The following POP4 variants were observed in gnomAD, a reference collection of about 807,000 sequenced individuals.
The protein encoded by POP4 is POP4 ribonuclease P/MRP subunit, also known as ribonuclease P protein subunit p29.
In POP4, 31 loss-of-function variants were observed where a neutral mutation model predicts 29.9. The observed-to-expected ratio is 1.04, with a 90% confidence interval of 0.78 to 1.40. POP4 has a LOEUF of 1.40. POP4 is among the 40% of genes most tolerant of loss of function. The pLI is 0.00. For missense variants in POP4, 286 were observed against 282.7 expected (o/e 1.01, Z -0.08); for synonymous variants, 110 against 108.2 (o/e 1.02, Z -0.10).
chr19:29,608,262 C>CTTTTTTTTTTTTTTT, intron 1 of POP4, among the ~76,000 whole-genome samples: 178 of 86,572 alleles, frequency 2.1e-3, no homozygotes, highest in Non-Finnish European at 2.9e-3. Context: ...CTTTTCTTTT[C>CTTTTTTTTTTTTTTT]TTTTTTTTTT....
Position 29,615,240 on chromosome 19 carries a change from T to TTC in POP4, c.527-4_527-3insTC. On this transcript the variant is annotated splice_polypyrimidine_tract_variant and splice_region_variant and intron_variant, in intron 6 of 6. Transcript: ENST00000585603. ...TCTCCTGCCTTTTTTTTTTTTTTTT[T>TTC]CAGTTATCCCCAAGCTAAACTGCGT... The TTC allele has an allele frequency of 6.8e-7, 1 of 1,465,856 alleles. No individual in the cohort carries two copies. The highest frequency in any genetic ancestry group is 9.1e-7 in the Non-Finnish European group (1 of 1,103,900). The allele number at this position is 1,465,856 out of a possible 1,614,324, so 90.8% of individuals were successfully genotyped here. A position where few individuals can be genotyped will look rare whatever the true frequency, so the allele number is the denominator to read the frequency against.
intron 1 of POP4, among the ~76,000 whole-genome samples, chr19:29,608,071 G>A (rs1275198214): frequency 1.3e-5 from 2 of 152,040 alleles, no homozygotes; most frequent in African/African-American, 2.4e-5. Context: ...TTTTACACAC[G>A]TTAAATTTTG....
At position 29,615,604 on chromosome 19, in the gene POP4, G is replaced by C. The variant is rs780053868; in HGVS notation, c.*224G>C. 203 of 454,742 alleles carry C rather than the reference G, an allele frequency of 4.5e-4. 1 individual carries two copies. Among genetic ancestry groups the C allele is most frequent in the Non-Finnish European group, 6.7e-4 (175 of 259,726 alleles). The allele number at this position is 454,742 out of a possible 1,614,324, so 28.2% of individuals were successfully genotyped here. ...TCTCTTTCTAGGAGATTTTCATTTTGTGTGACTCCCATGGGGAGGAACAGA... is the reference window on the plus strand; with the variant it reads ...TCTCTTTCTAGGAGATTTTCATTTTCTGTGACTCCCATGGGGAGGAACAGA... On this transcript the variant is annotated 3_prime_UTR_variant, in exon 7 of 7. Coordinates refer to ENST00000585603, the MANE Select transcript of POP4 (RefSeq NM_006627.3).
chr19:29,610,389 AC>A lies in POP4; in HGVS notation c.61-15del, dbSNP rs138780952. 10,986 of 1,538,630 alleles carry A rather than the reference AC, an allele frequency of 7.1e-3. 729 individuals are homozygous for A. In the East Asian group the frequency reaches 0.15, roughly 21 times the overall value. On this transcript the variant is annotated intron_variant, in intron 2 of 6. Transcript: ENST00000585603. ...CCCAGACCGGAGCAGTGAGCGCCGCACCCCCTTGTCCGCCTGCAGCCTTCAG... is the reference window on the plus strand; with the variant it reads ...CCCAGACCGGAGCAGTGAGCGCCGCACCCCTTGTCCGCCTGCAGCCTTCAG...
Position 29,615,110 on chromosome 19 carries a change from G to C in POP4, c.527-134G>C, listed in dbSNP as rs963289539. 27 of 1,103,702 alleles carry C rather than the reference G, an allele frequency of 2.4e-5. 1 individual carries two copies. The Admixed American group carries it at 6.1e-4, about 25-fold the overall frequency. The allele number at this position is 1,103,702 out of a possible 1,614,324, so 68.4% of individuals were successfully genotyped here. A position where few individuals can be genotyped will look rare whatever the true frequency, so the allele number is the denominator to read the frequency against. ...AGGCAACCCTAATGCCCCTCCCCTT[G>C]TGGGTTTCCCGTTTCCTATTAGCTT... is the stretch of plus-strand genomic sequence containing the variant. On this transcript the variant is annotated intron_variant, in intron 6 of 6. Transcript: ENST00000585603.
chr19:29,611,535 G>A (rs1464105894), intron 3 of POP4: 2 of 260,576 alleles, frequency 7.7e-6, no homozygotes, highest in East Asian at 2.3e-4. Context: ...TTTACTGGGG[G>A]CTTACTAGGT....
intron 1 of POP4, among the ~76,000 whole-genome samples, chr19:29,606,880 G>T (rs1197233683): frequency 6.6e-6 from 1 of 152,110 alleles, no homozygotes; most frequent in Non-Finnish European, 1.5e-5. Flanking sequence ...GCTTCAGTTT[G>T]CTCATGCACA....
At chr19:29,609,697 T>C (rs1266381174) in intron 2 of POP4, among the ~76,000 whole-genome samples, 1 of 152,194 alleles carries the variant, frequency 6.6e-6, no homozygotes, top group Non-Finnish European at 1.5e-5. Context: ...TTCCCAGAAG[T>C]CCTCTCTAAG....
At chr19:29,607,255 AG>A (rs1971009116) in intron 1 of POP4, among the ~76,000 whole-genome samples, 1 of 148,148 alleles carries the variant, frequency 6.8e-6, no homozygotes, top group South Asian at 2.2e-4. Flanking sequence ...GCAACAACAT[AG>A]CGAGACCCTG....
intron 2 of POP4, among the ~76,000 whole-genome samples, chr19:29,609,565 A>C (rs893190987): frequency 4.6e-5 from 7 of 152,248 alleles, no homozygotes; most frequent in Non-Finnish European, 8.8e-5. Flanking sequence ...TGGCATTGCC[A>C]CCAAATGAGG....
intron 5 of POP4, 138 bp from the exon 6 acceptor site, chr19:29,613,733 C>T (rs895151420): frequency 2.2e-6 from 3 of 1,353,560 alleles, no homozygotes; most frequent in Non-Finnish European, 2.9e-6. Context: ...TGTTGAGCCC[C>T]CACCCCCTGG....
chr19:29,608,533 G>A (rs1971030256), intron 1 of POP4, 124 bp from the exon 2 acceptor site: 6 of 947,962 alleles, frequency 6.3e-6, no homozygotes, highest in Non-Finnish European at 9.8e-6. Context: ...GCCTCCCAAA[G>A]TGCTAGGACT....
intron 1 of POP4, 153 bp downstream of exon 1, chr19:29,606,478 G>C (rs1163058481): frequency 2.3e-6 from 2 of 877,244 alleles, no homozygotes; most frequent in African/African-American, 3.5e-5. Context: ...AAAACTGAGG[G>C]CTGGAGCACG....
intron 3 of POP4, 199 bp downstream of exon 3, chr19:29,610,831 CCTCT>C (rs151093809): frequency 1.3e-5 from 8 of 593,490 alleles, no homozygotes; most frequent in Non-Finnish European, 2.4e-5. Flanking sequence ...CATTGTCTGG[CCTCT>C]CTCCTCACCT....
chr19:29,615,222 CCT>C lies in POP4; in HGVS notation c.527-21_527-20del. 1.4e-6 allele frequency: 2 copies of C among 1,440,210 alleles called. No homozygotes were observed. Among genetic ancestry groups the C allele is most frequent in the East Asian group, 2.4e-5 (1 of 41,808 alleles). 89.2% of individuals were successfully genotyped at this position (1,440,210 alleles called of 1,614,324 possible). A position where few individuals can be genotyped will look rare whatever the true frequency, so the allele number is the denominator to read the frequency against. ...TTTTTCCTCATCTTTTTTTCTCCTGCCTTTTTTTTTTTTTTTTTCAGTTATCC... is the reference window on the plus strand; with the variant it reads ...TTTTTCCTCATCTTTTTTTCTCCTGCTTTTTTTTTTTTTTTTCAGTTATCC... On this transcript the variant is annotated intron_variant, in intron 6 of 6. Transcript: ENST00000585603.
At chr19:29,609,625 CTTTGTTTG>C (rs113199520) in intron 2 of POP4, among the ~76,000 whole-genome samples, 1,866 of 143,608 alleles carry the variant, frequency 0.013, 42 homozygotes, top group African/African-American at 0.045. Context: ...TGGAGGGTTT[CTTTGTTTG>C]TTTGTTTGTT....
chr19:29,608,345 C>G (rs545847135), intron 1 of POP4, among the ~76,000 whole-genome samples: 89 of 139,252 alleles, frequency 6.4e-4, no homozygotes, highest in African/African-American at 2.4e-3. Flanking sequence ...TGGCGCATTG[C>G]AGCCTCTGCC....
Position 29,615,484 on chromosome 19 carries a change from A to T in POP4, c.*104A>T. 1 of 1,300,380 alleles carries T rather than the reference A, an allele frequency of 7.7e-7. No homozygotes were observed. The highest frequency in any genetic ancestry group is 1.1e-6 in the Non-Finnish European group (1 of 944,364). 80.6% of individuals were successfully genotyped at this position (1,300,380 alleles called of 1,614,324 possible). On this transcript the variant is annotated 3_prime_UTR_variant, in exon 7 of 7. Transcript: ENST00000585603. ...ATAGTTAAGCCAATTCCATTTATAG[A>T]CCACCTCCAGCCAGTGACGCTCCGA...
At chr19:29,611,969 T>TG (rs1971074902) in intron 4 of POP4, 30 bp downstream of exon 4, 2 of 1,606,900 alleles carry the variant, frequency 1.2e-6, no homozygotes, top group Admixed American at 1.7e-5. Context: ...CTTTGCTCTT[T>TG]GGGGTGGATC....
Sources: allele counts gnomAD v4.1 joint callset (sites outside exome capture counted in the v4.1 genomes callset), GRCh38; gene constraint gnomAD v4.1.1; transcripts MANE v1.5; gene names NCBI Gene and HGNC (gene_info 2026-07-23, HGNC 2026-07-21).